The following PTPRD variants were observed in gnomAD, a reference collection of about 807,000 sequenced individuals.
PTPRD encodes protein tyrosine phosphatase receptor type D.
PTPRD carries 34 observed loss-of-function variants against 214.5 expected under a neutral mutation model. That is an observed-to-expected ratio of 0.16 (90% CI 0.12 to 0.21). The LOEUF (loss-of-function observed/expected upper bound fraction) is 0.21, where lower values mean the gene tolerates loss of function less well. Among genes scored for constraint, PTPRD ranks in the 10% least tolerant of loss-of-function variants. The pLI, the probability that PTPRD is intolerant of heterozygous loss-of-function variation, is 1.00. For synonymous variants in PTPRD, 1,128 were observed against 845.7 expected, an observed-to-expected ratio of 1.33 and a Z score of -5.79; for missense variants, 2,545 against 2,398.7, an observed-to-expected ratio of 1.06 and a Z score of -1.27.
chr9:8,966,859 C>T (rs1034783625), intron 11 of PTPRD, among the ~76,000 whole-genome samples: 16 of 151,608 alleles, frequency 1.1e-4, no homozygotes, highest in Admixed American at 2.6e-4. Context: ...ACTGTGCATC[C>T]GACAAAGATC....
At chr9:8,675,483 C>G (rs757070062) in intron 12 of PTPRD, among the ~76,000 whole-genome samples, 1 of 148,270 alleles carries the variant, frequency 6.7e-6, no homozygotes, top group Non-Finnish European at 1.5e-5. Context: ...ATGTCATACC[C>G]CCACCTCCAG....
At chr9:9,805,949 A>G (rs2099070377) in intron 5 of PTPRD, among the ~76,000 whole-genome samples, 1 of 152,192 alleles carries the variant, frequency 6.6e-6, no homozygotes, top group African/African-American at 2.4e-5. Flanking sequence ...AAATTAATAT[A>G]TTCACTCAAC....
chr9:9,265,177 T>C (rs1317743088), intron 9 of PTPRD, among the ~76,000 whole-genome samples: 1 of 151,690 alleles, frequency 6.6e-6, no homozygotes, highest in Admixed American at 6.6e-5. Context: ...TTTTTAACTT[T>C]AGTATAAAAG....
chr9:10,354,224 T>G (rs1168324813), intron 2 of PTPRD, among the ~76,000 whole-genome samples: 1 of 152,184 alleles, frequency 6.6e-6, no homozygotes, highest in Non-Finnish European at 1.5e-5. Context: ...CCATTATGAA[T>G]GCTTTTGCAA....
At chr9:10,031,003 C>A (rs985464099) in intron 4 of PTPRD, among the ~76,000 whole-genome samples, 2 of 152,036 alleles carry the variant, frequency 1.3e-5, no homozygotes, top group Non-Finnish European at 2.9e-5. Flanking sequence ...CAGAAAAAAC[C>A]CAATGCAAAA....
At chr9:10,170,619 G>A (rs934123221) in intron 3 of PTPRD, among the ~76,000 whole-genome samples, 9 of 152,050 alleles carry the variant, frequency 5.9e-5, no homozygotes, top group African/African-American at 1.9e-4. Flanking sequence ...CCCGGGAGGC[G>A]GAGCTTGCAG....
At chr9:9,115,837 T>C (rs1045288855) in intron 10 of PTPRD, among the ~76,000 whole-genome samples, 1 of 152,116 alleles carries the variant, frequency 6.6e-6, no homozygotes, top group African/African-American at 2.4e-5. Context: ...TGTCCATCAA[T>C]AGTGGATTTG....
At chr9:10,285,376 G>T in intron 3 of PTPRD, among the ~76,000 whole-genome samples, 1 of 152,074 alleles carries the variant, frequency 6.6e-6, no homozygotes, top group East Asian at 1.9e-4. Flanking sequence ...TCGGGGTTCA[G>T]AACATCAAAA....
intron 12 of PTPRD, among the ~76,000 whole-genome samples, chr9:8,727,532 C>T (rs764965289): frequency 5.3e-5 from 8 of 152,160 alleles, no homozygotes; most frequent in Non-Finnish European, 7.3e-5. Flanking sequence ...AACATGGCTA[C>T]GTGTTTATCA....
chr9:8,451,095 C>T (rs1056760963), intron 33 of PTPRD, among the ~76,000 whole-genome samples: 4 of 152,180 alleles, frequency 2.6e-5, no homozygotes, highest in Non-Finnish European at 5.9e-5. Flanking sequence ...AATAGCCTTT[C>T]TTCCCATTTC....
chr9:10,557,220 C>G (rs548649600), intron 2 of PTPRD, among the ~76,000 whole-genome samples: 1 of 152,052 alleles, frequency 6.6e-6, no homozygotes, highest in Non-Finnish European at 1.5e-5. Context: ...ATTGTAAAGT[C>G]ATAAGCATCT....
intron 3 of PTPRD, among the ~76,000 whole-genome samples, chr9:10,232,048 T>C (rs2099613326): frequency 6.9e-6 from 1 of 144,318 alleles, no homozygotes; most frequent in Non-Finnish European, 1.5e-5. Flanking sequence ...CTGGCTGTTA[T>C]AAAGCGAGGT....
intron 4 of PTPRD, among the ~76,000 whole-genome samples, chr9:9,953,340 A>G (rs1190732552): frequency 2.0e-5 from 3 of 152,186 alleles, no homozygotes; most frequent in African/African-American, 7.2e-5. Flanking sequence ...GGATAAAAAG[A>G]CTACATACTG....
chr9:10,593,919 G>A (rs1384362397), intron 2 of PTPRD, among the ~76,000 whole-genome samples: 1 of 151,698 alleles, frequency 6.6e-6, no homozygotes, highest in Non-Finnish European at 1.5e-5. Context: ...TTCATACAAA[G>A]CTTTTCTCTC....
intron 8 of PTPRD, among the ~76,000 whole-genome samples, chr9:9,542,077 A>T (rs943245647): frequency 6.6e-6 from 1 of 151,816 alleles, no homozygotes; most frequent in African/African-American, 2.4e-5. Flanking sequence ...AAAGATCAAG[A>T]AAAATGACAA....
chr9:8,472,018 T>C lies in PTPRD; in HGVS notation c.3414-933A>G, dbSNP rs994034725. Reference sequence around the variant, plus strand: ...ATAGTAAATGCATAATCTGGTTTTGTCCTCCTACAGAGAAATTCTCTGAGC... The same window carrying C: ...ATAGTAAATGCATAATCTGGTTTTGCCCTCCTACAGAGAAATTCTCTGAGC... On this transcript the variant is annotated intron_variant, in intron 30 of 45. Coordinates refer to ENST00000381196, the MANE Select transcript of PTPRD (RefSeq NM_002839.4). Among the ~76,000 whole-genome samples the C allele has an allele frequency of 2.6e-5, 4 of 152,164 alleles. No individual in the cohort carries two copies. The East Asian group carries it at 7.7e-4, about 29-fold the overall frequency.
chr9:8,787,278 T>C (rs896651927), intron 11 of PTPRD, among the ~76,000 whole-genome samples: 1 of 152,162 alleles, frequency 6.6e-6, no homozygotes, highest in Admixed American at 6.5e-5. Context: ...ACTTCTAGCT[T>C]TACTCAGCTT....
intron 1 of PTPRD, 34 bp from the exon 2 acceptor site, chr9:10,612,539 G>C (rs1458519729): frequency 6.6e-6 from 1 of 152,258 alleles, no homozygotes; most frequent in Non-Finnish European, 1.5e-5. Context: ...ACAGCAGCCC[G>C]TCAGGGTTTG....
At position 10,577,915 on chromosome 9, in the gene PTPRD, CT is replaced by C. The variant is rs148884393; in HGVS notation, c.-600+34482del. On this transcript the variant is annotated intron_variant, in intron 2 of 45. Transcript: ENST00000381196. ...ATTCCAAATCAGTACAAGTTATTTC[CT>C]TTTTTTTTTTTTTTTGAGACAGAGT... Among the ~76,000 whole-genome samples the C allele has an allele frequency of 9.0e-3, 1,282 of 142,936 alleles. 18 individuals carry two copies. Among genetic ancestry groups the C allele is most frequent in the African/African-American group, 0.029 (1,105 of 38,476 alleles). 93.8% of individuals were successfully genotyped at this position (142,936 alleles called of 152,430 possible). A position where few individuals can be genotyped will look rare whatever the true frequency, so the allele number is the denominator to read the frequency against.
Sources: allele counts gnomAD v4.1 joint callset (sites outside exome capture counted in the v4.1 genomes callset), GRCh38; gene constraint gnomAD v4.1.1; transcripts MANE v1.5; gene names NCBI Gene and HGNC (gene_info 2026-07-23, HGNC 2026-07-21).